The following DERA variants were observed in gnomAD, a reference collection of about 807,000 sequenced individuals.
DERA encodes deoxyribose-phosphate aldolase, also known as 2-deoxy-D-ribose 5-phosphate aldolase.
Under a neutral mutation model 41.1 loss-of-function variants are expected in DERA, and 15 were observed. That is an observed-to-expected ratio of 0.37 (90% CI 0.24 to 0.56). The LOEUF is 0.56. DERA is among the 20% of genes least tolerant of loss of function. The pLI is 0.81. For synonymous variants in DERA, 139 were observed against 137.4 expected (o/e 1.01, Z -0.08); for missense variants, 396 against 403.4 (o/e 0.98, Z 0.16).
chr12:16,016,566 G>A (rs866085568), intron 6 of DERA, among the ~76,000 whole-genome samples: 2 of 151,954 alleles, frequency 1.3e-5, no homozygotes, highest in Non-Finnish European at 1.5e-5. Context: ...TTGAGAGGCC[G>A]AGGTGGGCAG....
At chr12:15,958,147 A>C (rs978592486) in intron 2 of DERA, 41 bp from the exon 3 acceptor site, 1 of 1,499,518 alleles carries the variant, frequency 6.7e-7, no homozygotes, top group African/African-American at 1.4e-5. Context: ...TGGTTTGTTT[A>C]TTTATTAAAT....
chr12:16,024,258 T>G (rs1949038866), intron 6 of DERA, among the ~76,000 whole-genome samples: 1 of 152,140 alleles, frequency 6.6e-6, no homozygotes, highest in African/African-American at 2.4e-5. Context: ...CCAGGAACTT[T>G]CCAAAATTGA....
rs1445972035 is a variant in DERA, at chr12:15,941,140, T to C, written c.32-15796T>C. On this transcript the variant is annotated intron_variant, in intron 1 of 8. Coordinates refer to ENST00000428559, the MANE Select transcript of DERA (RefSeq NM_015954.4). This position sits in a 1 kb window ranked among gnomAD's most constrained non-coding sequence, Gnocchi z 4.5. ...CATAAAAGCATTGCTTTCAGTGTGC[T>C]CTCTGCAAGGAACCTAGTGATTTCC... is the stretch of plus-strand genomic sequence containing the variant. Among the ~76,000 whole-genome samples, 2 of 152,202 alleles carry C rather than the reference T, an allele frequency of 1.3e-5. No homozygotes were observed. Among genetic ancestry groups the C allele is most frequent in the Non-Finnish European group, 2.9e-5 (2 of 68,042 alleles).
chr12:15,955,352 C>G (rs984708918), intron 1 of DERA, among the ~76,000 whole-genome samples: 2 of 150,966 alleles, frequency 1.3e-5, no homozygotes, highest in African/African-American at 4.9e-5. Flanking sequence ...TCTTACAGGT[C>G]TTAGATAAAT....
rs1039486969 is a variant in DERA, at chr12:15,951,684, G to T, written c.32-5252G>T. Among the ~76,000 whole-genome samples, 25 of 152,138 alleles carry T rather than the reference G, an allele frequency of 1.6e-4. 1 individual carries two copies. Among genetic ancestry groups the T allele is most frequent in the Non-Finnish European group, 2.9e-5 (2 of 68,034 alleles). On this transcript the variant is annotated intron_variant, in intron 1 of 8. Coordinates refer to ENST00000428559, the MANE Select transcript of DERA (RefSeq NM_015954.4). Reference sequence around the variant, plus strand: ...GGGAATATATAACGTGAGAAAGTAGGAATATAATCTTACCTCTGAAGAAAA... The same window carrying T: ...GGGAATATATAACGTGAGAAAGTAGTAATATAATCTTACCTCTGAAGAAAA...
intron 1 of DERA, among the ~76,000 whole-genome samples, chr12:15,917,118 C>T (rs1018513755): frequency 6.6e-6 from 1 of 152,138 alleles, no homozygotes; most frequent in African/African-American, 2.4e-5. Flanking sequence ...TGACCTAATA[C>T]ACCTTACAAA....
rs531145736 is a variant in DERA, at chr12:15,974,951, T to C, written c.509-7357T>C. 2.6e-5 allele frequency among the ~76,000 whole-genome samples: 4 copies of C among 152,294 alleles called. No individual in the cohort carries two copies. The East Asian group carries it at 5.8e-4, about 22-fold the overall frequency. ...CTTCCTTCCTGTTTGTAAGAACTCA[T>C]TGATTCTTATTTTACTCAATTGGTT... On this transcript the variant is annotated intron_variant, in intron 5 of 8. Coordinates refer to ENST00000428559, the MANE Select transcript of DERA (RefSeq NM_015954.4).
At position 15,911,761 on chromosome 12, in the gene DERA, C is replaced by G; in HGVS notation, c.31+347C>G. The G allele has an allele frequency of 1.8e-6, 1 of 569,826 alleles. No individual in the cohort carries two copies. Among genetic ancestry groups the G allele is most frequent in the South Asian group, 1.5e-5 (1 of 65,598 alleles). The allele number at this position is 569,826 out of a possible 1,614,324, so 35.3% of individuals were successfully genotyped here. On this transcript the variant is annotated intron_variant, in intron 1 of 8. Transcript: ENST00000428559. This position sits in a 1 kb window ranked among gnomAD's most constrained non-coding sequence, Gnocchi z 4.5. Reference sequence around the variant, plus strand: ...CAAACAACCCCCAAGCAGGTAAAAACAGATAAAAACCTTCTTTCTCCTCCT... The same window carrying G: ...CAAACAACCCCCAAGCAGGTAAAAAGAGATAAAAACCTTCTTTCTCCTCCT...
intron 1 of DERA, among the ~76,000 whole-genome samples, chr12:15,947,282 G>T (rs1001858482): frequency 6.6e-6 from 1 of 152,150 alleles, no homozygotes; most frequent in Non-Finnish European, 1.5e-5. Flanking sequence ...CTGTCTCGTT[G>T]ATCTGTCTAA....
At chr12:15,933,498 T>C (rs1948344267) in intron 1 of DERA, among the ~76,000 whole-genome samples, 1 of 152,232 alleles carries the variant, frequency 6.6e-6, no homozygotes, top group South Asian at 2.1e-4. Flanking sequence ...AACTTGGCTA[T>C]AGTTTCTCCC....
chr12:15,971,916 C>A, intron 5 of DERA: 1 of 334,396 alleles, frequency 3.0e-6, no homozygotes, highest in Non-Finnish European at 5.9e-6. Flanking sequence ...GCAGATGTTT[C>A]CTAATTAAAT....
chr12:15,962,518 C>T (rs1026395039), intron 4 of DERA, among the ~76,000 whole-genome samples: 1 of 152,208 alleles, frequency 6.6e-6, no homozygotes, highest in Non-Finnish European at 1.5e-5. Flanking sequence ...AACATCTTTG[C>T]TGGTTACTTA....
rs537488113 is a variant in DERA, at chr12:15,914,285, G to A, written c.31+2871G>A. On this transcript the variant is annotated intron_variant, in intron 1 of 8. Coordinates refer to ENST00000428559, the MANE Select transcript of DERA (RefSeq NM_015954.4). ...TAGTCCCAGCTACTTGGGAAGCTGAGGTACGAGAATCGCTTGAACCCAGAG... is the reference window on the plus strand; with the variant it reads ...TAGTCCCAGCTACTTGGGAAGCTGAAGTACGAGAATCGCTTGAACCCAGAG... Among the ~76,000 whole-genome samples the A allele has an allele frequency of 2.6e-5, 4 of 152,084 alleles. No homozygotes were observed. The South Asian group carries it at 8.3e-4, about 32-fold the overall frequency.
rs549791478 is a variant in DERA, at chr12:15,966,920, C to T, written c.508+3973C>T. Among the ~76,000 whole-genome samples, 6 of 152,118 alleles carry T rather than the reference C, an allele frequency of 3.9e-5. No homozygotes were observed. Among genetic ancestry groups the T allele is most frequent in the South Asian group, 2.1e-4 (1 of 4,828 alleles). On this transcript the variant is annotated intron_variant, in intron 5 of 8. Transcript: ENST00000428559. This position sits in a 1 kb window ranked among gnomAD's most constrained non-coding sequence, Gnocchi z 5.1. ...CCTGAGCACCAGGACCACCTGGACC[C>T]GGGGCCACCTGCTCCAGAACTCGTA...
chr12:15,975,145 G>A (rs1369026031), intron 5 of DERA, among the ~76,000 whole-genome samples: 3 of 152,142 alleles, frequency 2.0e-5, no homozygotes, highest in Non-Finnish European at 4.4e-5. Flanking sequence ...CCAGCTGTGT[G>A]GCAGACCAGA....
rs1948405680 is a variant in DERA, at chr12:15,941,141, C to G, written c.32-15795C>G. Among the ~76,000 whole-genome samples, 1 of 152,252 alleles carries G rather than the reference C, an allele frequency of 6.6e-6. No homozygotes were observed. The highest frequency in any genetic ancestry group is 2.1e-4 in the South Asian group (1 of 4,824). On this transcript the variant is annotated intron_variant, in intron 1 of 8. Coordinates refer to ENST00000428559, the MANE Select transcript of DERA (RefSeq NM_015954.4). The surrounding 1 kb of genome is among the most constrained non-coding windows in gnomAD (Gnocchi z 4.5). ...ATAAAAGCATTGCTTTCAGTGTGCTCTCTGCAAGGAACCTAGTGATTTCCC... is the reference window on the plus strand; with the variant it reads ...ATAAAAGCATTGCTTTCAGTGTGCTGTCTGCAAGGAACCTAGTGATTTCCC...
At chr12:15,939,765 A>G (rs1052580243) in intron 1 of DERA, among the ~76,000 whole-genome samples, 1 of 152,170 alleles carries the variant, frequency 6.6e-6, no homozygotes, top group Non-Finnish European at 1.5e-5. Flanking sequence ...AAAGAATCAG[A>G]TGTTTCTAGT....
intron 6 of DERA, among the ~76,000 whole-genome samples, chr12:16,016,430 G>T (rs1019604258): frequency 1.1e-4 from 17 of 152,124 alleles, no homozygotes; most frequent in African/African-American, 4.1e-4. Flanking sequence ...TAGAGAAGTG[G>T]TCTTGTAAAC....
rs1052294454 is a variant in DERA, at chr12:15,966,772, G to T, written c.508+3825G>T. Among the ~76,000 whole-genome samples, 7 of 151,978 alleles carry T rather than the reference G, an allele frequency of 4.6e-5. No homozygotes were observed. The highest frequency in any genetic ancestry group is 1.7e-4 in the African/African-American group (7 of 41,374). On this transcript the variant is annotated intron_variant, in intron 5 of 8. Transcript: ENST00000428559. The surrounding 1 kb of genome is among the most constrained non-coding windows in gnomAD (Gnocchi z 5.1). ...AGTGTCCATGTTTCTCAGAATCTGAGAACTGTGGTTCTCAGATTCTGTCCC... is the reference window on the plus strand; with the variant it reads ...AGTGTCCATGTTTCTCAGAATCTGATAACTGTGGTTCTCAGATTCTGTCCC...
Sources: gnomAD v4.1 joint callset for allele counts (sites outside exome capture counted in the v4.1 genomes callset) on GRCh38, gnomAD v4.1.1 for gene constraint, Gnocchi (gnomAD v3.1) non-coding constraint, MANE v1.5 for transcripts, NCBI Gene and HGNC (gene_info 2026-07-23, HGNC 2026-07-21) for gene names.